SGCD: variants seen among roughly 807,000 people sequenced by gnomAD.
The protein encoded by SGCD is delta-sarcoglycan.
A neutral mutation model predicts 36.6 loss-of-function variants in SGCD; 18 were observed. The observed-to-expected ratio is 0.49, with a 90% CI of 0.34 to 0.73. SGCD has a LOEUF of 0.73. Ranked by LOEUF, SGCD falls within the 30% of genes least tolerant of loss-of-function variation. The probability of loss-of-function intolerance (pLI) is 0.01; values close to 1 mark genes in which losing one functional copy is unlikely to be tolerated. For synonymous variants in SGCD, 133 were observed against 130.6 expected (o/e 1.02, Z -0.12); for missense variants, 387 against 346.7 (o/e 1.12, Z -0.92).
chr5:156,231,615 G>T lies in SGCD; in HGVS notation c.-43-97919G>T, dbSNP rs1278789935. ...CCTGGAAAAGTGTATTCGATAAGAGGACTTACTGATGCAGGATGAGCCACT... is the reference window on the plus strand; with the variant it reads ...CCTGGAAAAGTGTATTCGATAAGAGTACTTACTGATGCAGGATGAGCCACT... On this transcript the variant is annotated intron_variant, in intron 3 of 9. Transcript: ENST00000517913. Among the ~76,000 whole-genome samples the T allele has an allele frequency of 3.3e-5, 5 of 152,244 alleles. No individual in the cohort carries two copies. The South Asian group carries it at 8.3e-4, about 25-fold the overall frequency.
At chr5:156,631,513 C>T (rs1762633054) in intron 6 of SGCD, among the ~76,000 whole-genome samples, 1 of 145,360 alleles carries the variant, frequency 6.9e-6, no homozygotes, top group South Asian at 2.2e-4. Context: ...TAAGAACATA[C>T]TCTTTGGCAC....
chr5:156,040,635 C>T (rs1278713007), intron 1 of SGCD, among the ~76,000 whole-genome samples: 2 of 152,180 alleles, frequency 1.3e-5, no homozygotes, highest in African/African-American at 4.8e-5. Flanking sequence ...GCTGTCAGAG[C>T]AAATGAATTC....
intron 4 of SGCD, among the ~76,000 whole-genome samples, chr5:156,550,174 T>C (rs1190346772): frequency 6.6e-6 from 1 of 152,212 alleles, no homozygotes; most frequent in Non-Finnish European, 1.5e-5. Flanking sequence ...GATAAACATT[T>C]CACAAGGTTA....
chr5:156,236,422 A>G (rs371595634), intron 3 of SGCD, among the ~76,000 whole-genome samples: 2 of 151,944 alleles, frequency 1.3e-5, no homozygotes, highest in African/African-American at 4.8e-5. Context: ...ATACAACTGA[A>G]TTACAGGTGG....
chr5:156,348,427 A>G (rs924302857), intron 3 of SGCD, among the ~76,000 whole-genome samples: 2 of 152,314 alleles, frequency 1.3e-5, no homozygotes, highest in East Asian at 3.9e-4. Context: ...TACAAAATCA[A>G]TGTACACAAA....
chr5:156,211,349 T>A (rs1321582631), intron 3 of SGCD, among the ~76,000 whole-genome samples: 1 of 152,172 alleles, frequency 6.6e-6, no homozygotes, highest in African/African-American at 2.4e-5. Flanking sequence ...GGCTCAAGCC[T>A]GTAATCCCAG....
At chr5:155,830,232 T>C in the SGCD span, among the ~76,000 whole-genome samples, 13 of 152,210 alleles carry the variant, frequency 8.5e-5, no homozygotes, top group Admixed American at 7.9e-4. Context: ...GATTTCAAGA[T>C]AAAAGTGCCA....
At chr5:155,881,358 T>C (rs1429597747) in intron 1 of SGCD, among the ~76,000 whole-genome samples, 1 of 148,958 alleles carries the variant, frequency 6.7e-6, no homozygotes. Context: ...CATATGAATG[T>C]TTTGGTTTCC....
chr5:156,403,655 C>T (rs1460363910), intron 3 of SGCD, among the ~76,000 whole-genome samples: 1 of 152,086 alleles, frequency 6.6e-6, no homozygotes, highest in Non-Finnish European at 1.5e-5. Context: ...TCCCTCATGC[C>T]AGTCATATCA....
chr5:156,203,506 A>G (rs1022953053), intron 3 of SGCD, among the ~76,000 whole-genome samples: 8 of 152,152 alleles, frequency 5.3e-5, no homozygotes, highest in South Asian at 2.1e-4. Context: ...AAAGGTATTT[A>G]ATGATTGTAT....
rs940394358 is a variant in SGCD, at chr5:156,056,817, G to A, written c.-281-61061G>A. On this transcript the variant is annotated intron_variant, in intron 1 of 9. Transcript: ENST00000517913. ...GGGCAGTAGGCAAGGAGAATCTGTC[G>A]GGTGGTTACACAACTATAACCACTG... 5.5e-5 allele frequency among the ~76,000 whole-genome samples: 8 copies of A among 145,490 alleles called. 1 individual carries two copies. The highest frequency in any genetic ancestry group is 4.3e-4 in the South Asian group (2 of 4,622).
At chr5:156,037,601 C>A (rs923666793) in intron 1 of SGCD, among the ~76,000 whole-genome samples, 5 of 152,276 alleles carry the variant, frequency 3.3e-5, no homozygotes, top group Admixed American at 3.3e-4. Context: ...AGATTCCACT[C>A]ATAGATTAGG....
chr5:155,853,937 T>C, the SGCD span, among the ~76,000 whole-genome samples: 2 of 152,222 alleles, frequency 1.3e-5, no homozygotes, highest in Admixed American at 6.5e-5. Flanking sequence ...ATGTGGCAGA[T>C]TGAAACACAG....
Position 156,634,407 on chromosome 5 carries a change from T to C in SGCD, c.503-13057T>C, listed in dbSNP as rs886977056. Among the ~76,000 whole-genome samples the C allele has an allele frequency of 2.2e-4, 33 of 152,120 alleles. 1 individual carries two copies. The highest frequency in any genetic ancestry group is 4.4e-5 in the Non-Finnish European group (3 of 68,026). On this transcript the variant is annotated intron_variant, in intron 6 of 8. Transcript: ENST00000337851. ...CCTGCACATCCTTGCACATCCTGCA[T>C]ATGTATCCTAGAAATTAAAATAAAA...
intron 4 of SGCD, among the ~76,000 whole-genome samples, chr5:156,581,325 G>A (rs943503265): frequency 6.6e-6 from 1 of 152,128 alleles, no homozygotes; most frequent in African/African-American, 2.4e-5. Flanking sequence ...TGTATGAGGT[G>A]TTAGTTGGCC....
chr5:155,809,647 A>T, the SGCD span, among the ~76,000 whole-genome samples: 10 of 152,348 alleles, frequency 6.6e-5, no homozygotes, highest in South Asian at 2.1e-3. Flanking sequence ...AAGAGCAAAG[A>T]GAAAGAGAAA....
Position 156,245,637 on chromosome 5 carries a change from T to A in SGCD, c.-43-83897T>A, listed in dbSNP as rs555980816. Among the ~76,000 whole-genome samples the A allele has an allele frequency of 5.9e-5, 9 of 152,274 alleles. No homozygotes were observed. In the East Asian group the frequency reaches 1.5e-3, roughly 26 times the overall value. ...GGCAGAAACTTGAAACTGATTCTGA[T>A]AAAGCCTCTAGTCTAAATATCATGT... On this transcript the variant is annotated intron_variant, in intron 3 of 9. Transcript: ENST00000517913.
intron 3 of SGCD, among the ~76,000 whole-genome samples, chr5:156,127,112 A>G (rs1762191285): frequency 6.6e-6 from 1 of 152,200 alleles, no homozygotes; most frequent in Non-Finnish European, 1.5e-5. Flanking sequence ...GTGTGTGTGT[A>G]TGTGTATATT....
intron 1 of SGCD, among the ~76,000 whole-genome samples, chr5:156,030,989 C>A (rs1309343805): frequency 1.3e-5 from 2 of 152,252 alleles, no homozygotes; most frequent in Admixed American, 6.5e-5. Flanking sequence ...AGACCATGGG[C>A]AGAAGGCCTC....
Sources: gnomAD v4.1 joint callset for allele counts (sites outside exome capture counted in the v4.1 genomes callset) on GRCh38, gnomAD v4.1.1 for gene constraint, MANE v1.5 for transcripts, NCBI Gene and HGNC (gene_info 2026-07-23, HGNC 2026-07-21) for gene names.